Variants in COL11A2 observed in about 807,000 individuals in gnomAD.
COL11A2 encodes collagen alpha-2(XI) chain.
Under a neutral mutation model 273.4 loss-of-function variants are expected in COL11A2, and 116 were observed. That is an observed-to-expected ratio of 0.42 (90% CI 0.36 to 0.49). The LOEUF is 0.49. Ranked by LOEUF, COL11A2 falls within the 20% of genes least tolerant of loss-of-function variation. COL11A2 has a pLI of 0.00. For synonymous variants in COL11A2, 782 were observed against 864.2 expected, an observed-to-expected ratio of 0.90 and a Z score of 1.67; for missense variants, 1,866 against 2,309.0, an observed-to-expected ratio of 0.81 and a Z score of 3.93.
At chr6:33,186,505 A>G (rs2150611634) in intron 5 of COL11A2, 122 bp downstream of exon 5, 1 of 1,565,246 alleles carries the variant, frequency 6.4e-7, no homozygotes, top group East Asian at 2.3e-5. Flanking sequence ...AATGAGGACT[A>G]GGAGGAGGGG....
Position 33,163,913 on chromosome 6 carries a change from T to C in COL11A2, c.5071-95A>G. 1 of 1,583,650 alleles carries C rather than the reference T, an allele frequency of 6.3e-7. No individual in the cohort carries two copies. Among genetic ancestry groups the C allele is most frequent in the Middle Eastern group, 1.8e-4 (1 of 5,580 alleles). ...AGGCTCACCTCTCCTCTGAGCACCTTGGCCCCATCAGGGTGACTCAGGATG... is the reference window on the plus strand; with the variant it reads ...AGGCTCACCTCTCCTCTGAGCACCTCGGCCCCATCAGGGTGACTCAGGATG... On this transcript the variant is annotated intron_variant, in intron 65 of 65. Coordinates refer to ENST00000341947, the MANE Select transcript of COL11A2 (RefSeq NM_080680.3). The surrounding 1 kb of genome is among the most constrained non-coding windows in gnomAD (Gnocchi z 4.1).
At position 33,169,471 on chromosome 6, in the gene COL11A2, C is replaced by T; in HGVS notation, c.3710G>A (p.Gly1237Glu). ...TGGCTGCCCCGACTCTCCTTTCTCT[C>T]CACGTTCCCCGCGTGGACCCTGCAG... ...PGVKGPRGER[G>E]EKGESGQPGE... The change falls in exon 51 of 66, where the codon GGA becomes GAA. Residue 1237 changes from glycine to glutamate, a missense_variant. Coordinates refer to ENST00000341947, the MANE Select transcript of COL11A2 (RefSeq NM_080680.3). This position sits in a 1 kb window ranked among gnomAD's most constrained non-coding sequence, Gnocchi z 5.5. The T allele has an allele frequency of 6.2e-7, 1 of 1,612,984 alleles. No individual in the cohort carries two copies. The highest frequency in any genetic ancestry group is 8.5e-7 in the Non-Finnish European group (1 of 1,180,018).
chr6:33,174,657 C>T, intron 30 of COL11A2, 77 bp from the exon 31 acceptor site: 1 of 1,404,770 alleles, frequency 7.1e-7, no homozygotes, highest in South Asian at 1.2e-5. Context: ...TCAACCCTCA[C>T]ATATAACAGC....
chr6:33,166,379 T>C lies in COL11A2; in HGVS notation c.4392+134A>G. 1 of 1,261,568 alleles carries C rather than the reference T, an allele frequency of 7.9e-7. No homozygotes were observed. Among genetic ancestry groups the C allele is most frequent in the Non-Finnish European group, 1.1e-6 (1 of 899,958 alleles). The allele number at this position is 1,261,568 out of a possible 1,614,324, so 78.1% of individuals were successfully genotyped here. A position where few individuals can be genotyped will look rare whatever the true frequency, so the allele number is the denominator to read the frequency against. On this transcript the variant is annotated intron_variant, in intron 60 of 65. Transcript: ENST00000341947. The surrounding 1 kb of genome is among the most constrained non-coding windows in gnomAD (Gnocchi z 4.8). Reference sequence around the variant, plus strand: ...TGGAAGTATGGGGAGGAGGTACTGGTGGTGACAGGACAAATGGGGGACCCT... The same window carrying C: ...TGGAAGTATGGGGAGGAGGTACTGGCGGTGACAGGACAAATGGGGGACCCT...
rs1242539329 is a variant in COL11A2 at position 33,188,537 on chromosome 6, G to T, written c.444-13C>A. The T allele has an allele frequency of 6.2e-7, 1 of 1,612,970 alleles. No individual in the cohort carries two copies. Among genetic ancestry groups the T allele is most frequent in the Non-Finnish European group, 8.5e-7 (1 of 1,179,982 alleles). ...CACACGGTGCCACCTGGAAATGGTG[G>T]AAGAGGTTCAAGTGAACTCTTGGCT... On this transcript the variant is annotated splice_polypyrimidine_tract_variant and intron_variant, in intron 3 of 65. Transcript: ENST00000341947.
rs766631429 is a variant in COL11A2, at chr6:33,180,680, G to T, written c.1272C>A (p.Asp424Glu). The change falls in exon 11 of 66, where the codon GAC (aspartate) becomes GAA (glutamate). Residue 424 changes from aspartate (D) to glutamate (E), a missense_variant. Coordinates refer to ENST00000341947, the MANE Select transcript of COL11A2 (RefSeq NM_080680.3). The part of the protein sequence containing the change: ...GIQGNPGPVG[D>E]PGERGPPGRA... ...GACACCCCCTTACCCTCTCTCCAGGGTCTCCAACTGGGCCTGGGTTCCCCT... is the reference window on the plus strand; with the variant it reads ...GACACCCCCTTACCCTCTCTCCAGGTTCTCCAACTGGGCCTGGGTTCCCCT... 1 of 1,609,738 alleles carries T rather than the reference G, an allele frequency of 6.2e-7. No individual in the cohort carries two copies. The highest frequency in any genetic ancestry group is 1.7e-5 in the Admixed American group (1 of 59,590).
At chr6:33,172,795 G>C (rs1278557139) in intron 38 of COL11A2, among the ~76,000 whole-genome samples, 158 bp from the exon 39 acceptor site, 1 of 152,146 alleles carries the variant, frequency 6.6e-6, no homozygotes. Flanking sequence ...CCACTGCTGG[G>C]TTTTCTCCTG....
chr6:33,169,552 C>G lies in COL11A2; in HGVS notation c.3691-62G>C. ...ATCTTGAAGATCAGGGATGCAGCCT[C>G]TGCTTCCGAGACACCTTCAGCCATC... On this transcript the variant is annotated intron_variant, in intron 50 of 65. Coordinates refer to ENST00000341947, the MANE Select transcript of COL11A2 (RefSeq NM_080680.3). The surrounding 1 kb of genome is among the most constrained non-coding windows in gnomAD (Gnocchi z 5.5). 6.6e-7 allele frequency: 1 copy of G among 1,522,480 alleles called. No homozygotes were observed. The highest frequency in any genetic ancestry group is 1.7e-5 in the Admixed American group (1 of 59,058). 94.3% of individuals were successfully genotyped at this position (1,522,480 alleles called of 1,614,324 possible). A position where few individuals can be genotyped will look rare whatever the true frequency, so the allele number is the denominator to read the frequency against.
upstream of COL11A2, chr6:33,192,575 G>A: frequency 2.2e-6 from 1 of 448,440 alleles, no homozygotes; most frequent in Non-Finnish European, 4.0e-6. Flanking sequence ...CCCACCCTCA[G>A]TCTCCACCTG....
Position 33,169,048 on chromosome 6 carries a change from C to T in COL11A2, c.3799-40G>A, listed in dbSNP as rs537183750. On this transcript the variant is annotated intron_variant, in intron 51 of 65. Coordinates refer to ENST00000341947, the MANE Select transcript of COL11A2 (RefSeq NM_080680.3). The surrounding 1 kb of genome is among the most constrained non-coding windows in gnomAD (Gnocchi z 5.5). ...GAATAAGAGTCAGGGTCACAGCTCC[C>T]TAAGCCCACCCAGCACAGACGCCCA... The T allele has an allele frequency of 2.0e-5, 32 of 1,579,554 alleles. No homozygotes were observed. In the African/African-American group the frequency reaches 4.2e-4, roughly 21 times the overall value.
In COL11A2 at chr6:33,163,644, G is replaced by C. The variant is rs974712419; in HGVS notation, c.*34C>G. Reference sequence around the variant, plus strand: ...ATGTTGTGGGATTCCAGGTGGGCCTGGTTCCGAATGGACAGGATCAGACAG... The same window carrying C: ...ATGTTGTGGGATTCCAGGTGGGCCTCGTTCCGAATGGACAGGATCAGACAG... On this transcript the variant is annotated 3_prime_UTR_variant, in exon 66 of 66. Coordinates refer to ENST00000341947, the MANE Select transcript of COL11A2 (RefSeq NM_080680.3). The surrounding 1 kb of genome is among the most constrained non-coding windows in gnomAD (Gnocchi z 4.1). 2 of 1,613,024 alleles carry C rather than the reference G, an allele frequency of 1.2e-6. No homozygotes were observed.
Position 33,169,738 on chromosome 6 carries a change from G to A in COL11A2, c.3690+93C>T. ...GGGAGCAGAGACTCTTGCTGCAGAG[G>A]AGTTCCAGCTCAAGGAGGTCACAGG... On this transcript the variant is annotated intron_variant, in intron 50 of 65. Transcript: ENST00000341947. This position sits in a 1 kb window ranked among gnomAD's most constrained non-coding sequence, Gnocchi z 5.5. 2 of 1,468,272 alleles carry A rather than the reference G, an allele frequency of 1.4e-6. No individual in the cohort carries two copies. The highest frequency in any genetic ancestry group is 1.9e-6 in the Non-Finnish European group (2 of 1,047,066). The allele number at this position is 1,468,272 out of a possible 1,614,324, so 91.0% of individuals were successfully genotyped here.
Position 33,173,185 on chromosome 6 carries a change from G to T in COL11A2, c.2737-72C>A, listed in dbSNP as rs1329421779. 1.3e-5 allele frequency: 20 copies of T among 1,562,416 alleles called. No homozygotes were observed. Among genetic ancestry groups the T allele is most frequent in the Non-Finnish European group, 1.7e-5 (20 of 1,146,692 alleles). On this transcript the variant is annotated intron_variant, in intron 37 of 65. Coordinates refer to ENST00000341947, the MANE Select transcript of COL11A2 (RefSeq NM_080680.3). The surrounding 1 kb of genome is among the most constrained non-coding windows in gnomAD (Gnocchi z 6.3). Reference sequence around the variant, plus strand: ...TGTGGGGCAGATTCCCAGGAGGAAGGATCCCAGGCAGGATCACACCAAGCC... The same window carrying T: ...TGTGGGGCAGATTCCCAGGAGGAAGTATCCCAGGCAGGATCACACCAAGCC...
rs1768858297 is a variant in COL11A2, at chr6:33,164,782, C to T, written c.4863+70G>A. 1 of 1,409,354 alleles carries T rather than the reference C, an allele frequency of 7.1e-7. No individual in the cohort carries two copies. Among genetic ancestry groups the T allele is most frequent in the Non-Finnish European group, 9.8e-7 (1 of 1,023,120 alleles). 87.3% of individuals were successfully genotyped at this position (1,409,354 alleles called of 1,614,324 possible). ...ACAGCCAGGGGACTGTCACCAAAAC[C>T]CAGAAACCACTAAGCCCTGAGGGGG... On this transcript the variant is annotated intron_variant, in intron 64 of 65. Coordinates refer to ENST00000341947, the MANE Select transcript of COL11A2 (RefSeq NM_080680.3). This position sits in a 1 kb window ranked among gnomAD's most constrained non-coding sequence, Gnocchi z 4.7.
At position 33,189,169 on chromosome 6, in the gene COL11A2, G is replaced by A; in HGVS notation, c.252C>T (p.Phe84=). 1 of 1,613,966 alleles carries A rather than the reference G, an allele frequency of 6.2e-7. No individual in the cohort carries two copies. The part of the protein sequence containing the change: ...QLFPGGFPKD[F]SLLTVVRTRP... ...GGGTCCGGACAACAGTCAGCAGAGAGAAATCTTTGGGAAATCCTCCTAGTA... is the reference window on the plus strand; with the variant it reads ...GGGTCCGGACAACAGTCAGCAGAGAAAAATCTTTGGGAAATCCTCCTAGTA... The change falls in exon 3 of 66, where the codon TTC becomes TTT. Residue 84 remains phenylalanine (F), a synonymous_variant. Coordinates refer to ENST00000341947, the MANE Select transcript of COL11A2 (RefSeq NM_080680.3). The surrounding 1 kb of genome is among the most constrained non-coding windows in gnomAD (Gnocchi z 5.6).
In COL11A2 at chr6:33,181,006, C is replaced by T; in HGVS notation, c.1180-1G>A. 6.2e-7 allele frequency: 1 copy of T among 1,614,188 alleles called. No homozygotes were observed. The highest frequency in any genetic ancestry group is 8.5e-7 in the Non-Finnish European group (1 of 1,180,028). On this transcript the variant is annotated splice_acceptor_variant, in intron 9 of 65. Coordinates refer to ENST00000341947, the MANE Select transcript of COL11A2 (RefSeq NM_080680.3). LOFTEE classifies it high-confidence loss of function. ...CAGGGGGCCCCTCCACGAGCATACC[C>T]TGTGGAGTCAAAGGTTAAAAATCAG...
Position 33,165,449 on chromosome 6 carries a change from T to TA in COL11A2, c.4750+99dup. 6.4e-7 allele frequency: 1 copy of TA among 1,573,952 alleles called. No individual in the cohort carries two copies. The highest frequency in any genetic ancestry group is 8.6e-7 in the Non-Finnish European group (1 of 1,158,204). Reference sequence around the variant, plus strand: ...TTCCCAGCCCCTCAGCCCTCACCCTTAACCCAACACCTTCACCAAGACTCC... The same window carrying TA: ...TTCCCAGCCCCTCAGCCCTCACCCTTAAACCCAACACCTTCACCAAGACTCC... On this transcript the variant is annotated intron_variant, in intron 63 of 65. Coordinates refer to ENST00000341947, the MANE Select transcript of COL11A2 (RefSeq NM_080680.3). The surrounding 1 kb of genome is among the most constrained non-coding windows in gnomAD (Gnocchi z 7.7).
At chr6:33,181,392 C>T (rs557708605) in intron 8 of COL11A2, among the ~76,000 whole-genome samples, 53 of 152,328 alleles carry the variant, frequency 3.5e-4, no homozygotes, top group Non-Finnish European at 4.4e-4. Flanking sequence ...CCAGCCCCAC[C>T]TCAGCAAACA....
chr6:33,186,422 G>A (rs1176929734), intron 5 of COL11A2: 5 of 1,436,026 alleles, frequency 3.5e-6, no homozygotes, highest in East Asian at 5.0e-5. Flanking sequence ...CGCAGAGCAG[G>A]GAACACAGCT....
Sources: allele counts gnomAD v4.1 joint callset (sites outside exome capture counted in the v4.1 genomes callset), GRCh38; gene constraint gnomAD v4.1.1; non-coding constraint Gnocchi (gnomAD v3.1); transcripts MANE v1.5; gene names NCBI Gene and HGNC (gene_info 2026-07-23, HGNC 2026-07-21).